EGF: variants seen among roughly 807,000 people sequenced by gnomAD.
EGF encodes pro-epidermal growth factor.
EGF carries 95 observed loss-of-function variants against 143.8 expected under a neutral mutation model. The ratio of observed to expected loss-of-function variants is 0.66; its 90% CI spans 0.56 to 0.78. The LOEUF is 0.78. Among genes scored for constraint, EGF ranks in the 30% least tolerant of loss-of-function variants. EGF has a pLI of 0.00. For missense variants in EGF, 1,320 were observed against 1,470.9 expected (o/e 0.90, Z 1.68); for synonymous variants, 510 against 510.5 (o/e 1.00, Z 0.01).
intron 1 of EGF, among the ~76,000 whole-genome samples, chr4:109,917,058 T>C (rs1015554844): frequency 1.3e-5 from 2 of 152,346 alleles, no homozygotes; most frequent in East Asian, 1.9e-4. Context: ...ATTTCATTCA[T>C]TGCAAATTAA....
chr4:109,950,451 A>G (rs983992710), intron 5 of EGF, among the ~76,000 whole-genome samples: 11 of 152,086 alleles, frequency 7.2e-5, no homozygotes, highest in Admixed American at 2.0e-4. Context: ...CCTGACTAGT[A>G]TCCCTGTCTC....
At chr4:109,926,799 A>G (rs945816204) in intron 1 of EGF, among the ~76,000 whole-genome samples, 3 of 152,260 alleles carry the variant, frequency 2.0e-5, no homozygotes, top group Non-Finnish European at 4.4e-5. Context: ...TATCCAAGTT[A>G]TAGGTGATGT....
rs1203135060 is a variant in EGF, at chr4:109,924,297, G to A, written c.127+10835G>A. On this transcript the variant is annotated intron_variant, in intron 1 of 23. Transcript: ENST00000265171. ...CACCTCCCAAGACTGATTGTTGAAA[G>A]TCCATCAATGTAATGATTTTATTAG... Among the ~76,000 whole-genome samples the A allele has an allele frequency of 2.0e-5, 3 of 151,120 alleles. 1 individual carries two copies. The highest frequency in any genetic ancestry group is 7.4e-5 in the African/African-American group (3 of 40,474).
At chr4:109,955,516 C>G (rs928871539) in intron 5 of EGF, among the ~76,000 whole-genome samples, 2 of 152,188 alleles carry the variant, frequency 1.3e-5, no homozygotes, top group Non-Finnish European at 2.9e-5. Flanking sequence ...ATCAGCACAA[C>G]TAGGCAGAGG....
chr4:109,988,236 T>G (rs1299499525), intron 17 of EGF, among the ~76,000 whole-genome samples: 1 of 152,004 alleles, frequency 6.6e-6, no homozygotes, highest in Non-Finnish European at 1.5e-5. Flanking sequence ...GTCATAAGTT[T>G]TAGTCAAATG....
At chr4:109,952,911 C>T (rs1407693389) in intron 5 of EGF, among the ~76,000 whole-genome samples, 1 of 152,224 alleles carries the variant, frequency 6.6e-6, no homozygotes, top group African/African-American at 2.4e-5. Flanking sequence ...TTTTCACATG[C>T]CTGGCTGTGG....
At chr4:109,934,031 TC>T (rs1365680993) in intron 1 of EGF, among the ~76,000 whole-genome samples, 6 of 152,194 alleles carry the variant, frequency 3.9e-5, no homozygotes, top group Non-Finnish European at 8.8e-5. Context: ...TAATTTACAC[TC>T]CCACCAACAG....
chr4:109,951,050 T>C (rs1743808161), intron 5 of EGF, among the ~76,000 whole-genome samples: 1 of 151,938 alleles, frequency 6.6e-6, no homozygotes, highest in Non-Finnish European at 1.5e-5. Context: ...CTCACACCTG[T>C]AATCCCAGCA....
At chr4:109,953,423 G>C (rs1184271182) in intron 5 of EGF, among the ~76,000 whole-genome samples, 1 of 152,168 alleles carries the variant, frequency 6.6e-6, no homozygotes, top group Non-Finnish European at 1.5e-5. Flanking sequence ...ACAAAGAGGA[G>C]CCTTTCCAAA....
rs140535803 is a variant in EGF, at chr4:109,966,635, T to C, written c.1575+2098T>C. ...ATCACCATACTTTTTCCCTAGAGGA[T>C]TGCAAATTTACATTCCCACCAGCAA... On this transcript the variant is annotated intron_variant, in intron 10 of 23. Transcript: ENST00000265171. Among the ~76,000 whole-genome samples the C allele has an allele frequency of 5.9e-5, 9 of 152,230 alleles. No individual in the cohort carries two copies. In the East Asian group the frequency reaches 1.3e-3, roughly 23 times the overall value.
Position 110,001,664 on chromosome 4 carries a change from A to G in EGF, c.3173+1818A>G, listed in dbSNP as rs144053207. 1.8e-3 allele frequency: 1,726 copies of G among 985,442 alleles called. 3 individuals are homozygous for G. The highest frequency in any genetic ancestry group is 0.011 in the South Asian group (239 of 21,288). The allele number at this position is 985,442 out of a possible 1,614,324, so 61.0% of individuals were successfully genotyped here. On this transcript the variant is annotated intron_variant, in intron 21 of 23. Transcript: ENST00000265171. Reference sequence around the variant, plus strand: ...TTTCAGAGATCTGGATTGAAAGCTAACGGCAAATTGCTGGCTTTTTAAACT... The same window carrying G: ...TTTCAGAGATCTGGATTGAAAGCTAGCGGCAAATTGCTGGCTTTTTAAACT...
chr4:110,009,235 T>A (rs3796940), intron 23 of EGF, among the ~76,000 whole-genome samples: 4,994 of 152,316 alleles, frequency 0.033, 259 homozygotes, highest in East Asian at 0.17. Flanking sequence ...AAATTGAATA[T>A]GAAAACTACA....
Position 110,012,770 on chromosome 4 carries a change from G to A in EGF, c.*1315G>A, listed in dbSNP as rs1220670471. Among the ~76,000 whole-genome samples the A allele has an allele frequency of 9.9e-5, 15 of 152,090 alleles. No individual in the cohort carries two copies. The highest frequency in any genetic ancestry group is 1.3e-4 in the Admixed American group (2 of 15,270). On this transcript the variant is annotated 3_prime_UTR_variant, in exon 24 of 24. Coordinates refer to ENST00000265171, the MANE Select transcript of EGF (RefSeq NM_001963.6). ...TCTGTAGATTAAAATTTCACATGGT[G>A]TTCTAATTAAATATTTTTCTTGCAG...
At chr4:109,979,910 T>G in intron 13 of EGF, 62 bp from the exon 14 acceptor site, 2 of 1,596,134 alleles carry the variant, frequency 1.3e-6, no homozygotes, top group Non-Finnish European at 1.7e-6. Flanking sequence ...AGCCTTGTCC[T>G]TTCGTAAATA....
At chr4:109,968,582 T>C (rs189304101) in intron 10 of EGF, among the ~76,000 whole-genome samples, 3 of 152,258 alleles carry the variant, frequency 2.0e-5, no homozygotes, top group Admixed American at 6.5e-5. Context: ...TCTATCTATC[T>C]ATCTCTCTAT....
intron 1 of EGF, among the ~76,000 whole-genome samples, chr4:109,919,129 T>C (rs1737225990): frequency 1.3e-5 from 2 of 152,248 alleles, no homozygotes; most frequent in Non-Finnish European, 2.9e-5. Flanking sequence ...TGATGTGTTT[T>C]GCTAAACAAA....
Position 109,966,436 on chromosome 4 carries a change from C to T in EGF, c.1575+1899C>T, listed in dbSNP as rs138993484. On this transcript the variant is annotated intron_variant, in intron 10 of 23. Transcript: ENST00000265171. ...ATATATGACACATTTTAAAAATCCACTCATCCATTGATGGACACTTAGATT... is the reference window on the plus strand; with the variant it reads ...ATATATGACACATTTTAAAAATCCATTCATCCATTGATGGACACTTAGATT... 9.7e-3 allele frequency among the ~76,000 whole-genome samples: 1,482 copies of T among 152,190 alleles called. 15 individuals are homozygous for T. Among genetic ancestry groups the T allele is most frequent in the Non-Finnish European group, 0.015 (1,000 of 67,982 alleles).
At chr4:109,924,598 A>C (rs535848402) in intron 1 of EGF, among the ~76,000 whole-genome samples, 1 of 152,292 alleles carries the variant, frequency 6.6e-6, no homozygotes, top group Admixed American at 6.5e-5. Context: ...AGTTTACCTG[A>C]TGACTTACAG....
chr4:109,948,748 A>G (rs1743296084), intron 5 of EGF, among the ~76,000 whole-genome samples: 1 of 152,090 alleles, frequency 6.6e-6, no homozygotes, highest in Non-Finnish European at 1.5e-5. Context: ...AGCCTCCCAA[A>G]GTGCTGGGAT....
Sources: gnomAD v4.1 joint callset for allele counts (sites outside exome capture counted in the v4.1 genomes callset) on GRCh38, gnomAD v4.1.1 for gene constraint, MANE v1.5 for transcripts, NCBI Gene and HGNC (gene_info 2026-07-23, HGNC 2026-07-21) for gene names.